SETBP1: variants seen among roughly 807,000 people sequenced by gnomAD.
SETBP1 encodes SET-binding protein.
SETBP1 carries 9 observed loss-of-function variants against 101.0 expected under a neutral mutation model. The ratio of observed to expected loss-of-function variants is 0.09; its 90% CI spans 0.05 to 0.16. The LOEUF is 0.16. Ranked by LOEUF, SETBP1 falls within the 10% of genes least tolerant of loss-of-function variation. The pLI, the probability that SETBP1 is intolerant of heterozygous loss-of-function variation, is 1.00. For synonymous variants in SETBP1, 818 were observed against 788.5 expected (o/e 1.04, Z -0.63); for missense variants, 1,858 against 2,033.8 (o/e 0.91, Z 1.66).
intron 4 of SETBP1, among the ~76,000 whole-genome samples, chr18:45,037,183 T>G (rs1160819978): frequency 6.6e-6 from 1 of 152,300 alleles, no homozygotes; most frequent in South Asian, 2.1e-4. Context: ...GTTAGTGTTA[T>G]GTAGCCTGCA....
intron 3 of SETBP1, among the ~76,000 whole-genome samples, chr18:44,925,815 C>T (rs2144959020): frequency 6.6e-6 from 1 of 152,292 alleles, no homozygotes; most frequent in Middle Eastern, 3.4e-3. Flanking sequence ...ATTAGGACTT[C>T]AGGGCAACCT....
chr18:44,778,976 G>A (rs1352923467), intron 2 of SETBP1, among the ~76,000 whole-genome samples: 1 of 152,216 alleles, frequency 6.6e-6, no homozygotes, highest in Admixed American at 6.5e-5. Flanking sequence ...ATAAATGGCT[G>A]GTTAAACCCT....
chr18:44,861,229 C>CTTTTTTTTT (rs775284488), intron 2 of SETBP1, among the ~76,000 whole-genome samples: 35 of 88,342 alleles, frequency 4.0e-4, no homozygotes, highest in African/African-American at 1.1e-3. Flanking sequence ...TTTTTCTTTT[C>CTTTTTTTTT]TTTTTTTTTT....
chr18:45,022,660 T>G (rs1412521862), intron 4 of SETBP1, among the ~76,000 whole-genome samples: 1 of 151,998 alleles, frequency 6.6e-6, no homozygotes, highest in Non-Finnish European at 1.5e-5. Flanking sequence ...TGAAACCCCA[T>G]CTCTACTAAA....
intron 2 of SETBP1, among the ~76,000 whole-genome samples, chr18:44,754,041 A>G (rs904579069): frequency 1.3e-5 from 2 of 152,202 alleles, no homozygotes; most frequent in Non-Finnish European, 2.9e-5. Flanking sequence ...CATTCACCAT[A>G]GATCGCCTCT....
At chr18:44,971,989 C>T (rs922965101) in intron 4 of SETBP1, among the ~76,000 whole-genome samples, 1 of 152,136 alleles carries the variant, frequency 6.6e-6, no homozygotes, top group African/African-American at 2.4e-5. Flanking sequence ...AGGTTTTCTT[C>T]TAGGGTTTTT....
At chr18:44,861,949 C>T (rs536068863) in intron 2 of SETBP1, among the ~76,000 whole-genome samples, 3 of 152,266 alleles carry the variant, frequency 2.0e-5, no homozygotes, top group Admixed American at 6.5e-5. Flanking sequence ...TAAAACAAGA[C>T]TCATCATCTC....
At chr18:45,043,508 G>C (rs564036920) in intron 5 of SETBP1, among the ~76,000 whole-genome samples, 39 of 151,782 alleles carry the variant, frequency 2.6e-4, no homozygotes, top group African/African-American at 9.4e-4. Flanking sequence ...GTGTAGCTCA[G>C]TTTGAGATAA....
intron 2 of SETBP1, among the ~76,000 whole-genome samples, chr18:44,796,266 C>T (rs2071473546): frequency 6.6e-6 from 1 of 152,146 alleles, no homozygotes; most frequent in African/African-American, 2.4e-5. Context: ...ATGATTCCTT[C>T]CAGAGTCACA....
intron 5 of SETBP1, among the ~76,000 whole-genome samples, chr18:45,042,204 C>T (rs1016874448): frequency 1.0e-4 from 14 of 134,720 alleles, no homozygotes; most frequent in African/African-American, 1.4e-4. Context: ...GGCTGGAATG[C>T]AGTGGTGCAA....
At chr18:44,762,606 A>C (rs1443316302) in intron 2 of SETBP1, among the ~76,000 whole-genome samples, 1 of 152,200 alleles carries the variant, frequency 6.6e-6, no homozygotes, top group Admixed American at 6.5e-5. Context: ...ATTATTTTTC[A>C]AACAGATATG....
At chr18:44,982,739 G>A (rs2072142855) in intron 4 of SETBP1, among the ~76,000 whole-genome samples, 1 of 152,122 alleles carries the variant, frequency 6.6e-6, no homozygotes, top group African/African-American at 2.4e-5. Flanking sequence ...GTTTATGAAG[G>A]CTAATCTTAA....
chr18:44,952,681 G>C lies in SETBP1; in HGVS notation c.3341G>C (p.Gly1114Ala), dbSNP rs2071387812. 1 of 1,614,142 alleles carries C rather than the reference G, an allele frequency of 6.2e-7. No individual in the cohort carries two copies. The highest frequency in any genetic ancestry group is 8.5e-7 in the Non-Finnish European group (1 of 1,180,034). ...SGAAKHKAKH[G>A]VHLQGPVSMG... ...GCAGCTAAGCATAAAGCCAAGCATG[G>C]AGTACACCTGCAGGGACCTGTTAGC... Residue 1114 changes from glycine to alanine, a missense_variant, in exon 4 of 6, where the codon GGA becomes GCA. Gly to Ala is a moderately conservative substitution (Grantham distance 60). Around this residue, in one of 12 missense-constraint regions of SETBP1, gnomAD observed 417 missense variants for 389.1 expected, o/e 1.07. Coordinates refer to ENST00000649279, the MANE Select transcript of SETBP1 (RefSeq NM_015559.3).
intron 5 of SETBP1, among the ~76,000 whole-genome samples, chr18:45,046,036 C>T (rs376010127): frequency 6.6e-6 from 1 of 152,052 alleles, no homozygotes; most frequent in South Asian, 2.1e-4. Context: ...AGTTGAATGC[C>T]ACATCCTCTG....
chr18:44,804,972 G>A (rs8087604), intron 2 of SETBP1, among the ~76,000 whole-genome samples: 4,509 of 152,142 alleles, frequency 0.03, 216 homozygotes, highest in African/African-American at 0.1. Context: ...AGACATAAAC[G>A]ATGATGGGAA....
Position 44,699,816 on chromosome 18 carries a change from A to G in SETBP1, c.-172-1359A>G, listed in dbSNP as rs561138051. Among the ~76,000 whole-genome samples, 4 of 152,348 alleles carry G rather than the reference A, an allele frequency of 2.6e-5. No homozygotes were observed. The South Asian group carries it at 8.3e-4, about 32-fold the overall frequency. On this transcript the variant is annotated intron_variant, in intron 1 of 5. Coordinates refer to ENST00000649279, the MANE Select transcript of SETBP1 (RefSeq NM_015559.3). Reference sequence around the variant, plus strand: ...CTGCCTTCCTGGCTGGCTTCCTCACAGGGCGTCAGCTAAAAATGTGCTGAT... The same window carrying G: ...CTGCCTTCCTGGCTGGCTTCCTCACGGGGCGTCAGCTAAAAATGTGCTGAT...
intron 4 of SETBP1, among the ~76,000 whole-genome samples, chr18:44,958,163 A>C (rs1415389456): frequency 2.0e-5 from 3 of 152,244 alleles, no homozygotes; most frequent in Admixed American, 6.5e-5. Context: ...TGGAATTTCA[A>C]TATCTACACC....
chr18:45,035,902 C>G (rs1288231551), intron 4 of SETBP1, among the ~76,000 whole-genome samples: 1 of 152,152 alleles, frequency 6.6e-6, no homozygotes, highest in Non-Finnish European at 1.5e-5. Flanking sequence ...TTTTTAGCAG[C>G]CAAGTTGTGA....
At chr18:44,940,359 G>A (rs763635515) in intron 3 of SETBP1, among the ~76,000 whole-genome samples, 1 of 151,736 alleles carries the variant, frequency 6.6e-6, no homozygotes, top group East Asian at 1.9e-4. Flanking sequence ...ATTATTTTTG[G>A]TATCTCTAGA....
Sources: allele counts gnomAD v4.1 joint callset (sites outside exome capture counted in the v4.1 genomes callset), GRCh38; gene constraint gnomAD v4.1.1; regional missense constraint gnomAD v4.1.1; transcripts MANE v1.5; gene names NCBI Gene and HGNC (gene_info 2026-07-23, HGNC 2026-07-21).